Variants in CYP7B1 observed in about 807,000 individuals in gnomAD.
CYP7B1 encodes the protein cytochrome P450 family 7 subfamily B member 1, also known as cytochrome P450 7B1.
A neutral mutation model predicts 42.7 loss-of-function variants in CYP7B1; 29 were observed. The observed-to-expected ratio is 0.68, with a 90% CI of 0.51 to 0.93. The LOEUF is 0.93. CYP7B1 is among the 40% of genes least tolerant of loss of function. The probability of loss-of-function intolerance (pLI) is 0.00; values close to 1 mark genes in which losing one functional copy is unlikely to be tolerated. For synonymous variants in CYP7B1, 235 were observed against 218.2 expected (o/e 1.08, Z -0.68); for missense variants, 655 against 600.5 (o/e 1.09, Z -0.95).
chr8:64,755,066 G>A (rs1279519522), intron 1 of CYP7B1, among the ~76,000 whole-genome samples: 1 of 152,160 alleles, frequency 6.6e-6, no homozygotes, highest in East Asian at 1.9e-4. Context: ...GAGGCCAGAG[G>A]GGAAATAAAT....
intron 1 of CYP7B1, among the ~76,000 whole-genome samples, chr8:64,774,911 CCTT>C (rs1207258693): frequency 1.3e-5 from 2 of 152,202 alleles, no homozygotes; most frequent in Non-Finnish European, 2.9e-5. Context: ...TCAAACACCT[CCTT>C]AACTCTGATT....
At chr8:64,644,051 G>T (rs1462798852) in intron 1 of CYP7B1, among the ~76,000 whole-genome samples, 1 of 152,118 alleles carries the variant, frequency 6.6e-6, no homozygotes, top group East Asian at 1.9e-4. Flanking sequence ...GAGGCAGGTG[G>T]ATCACGAGGT....
intron 1 of CYP7B1, among the ~76,000 whole-genome samples, chr8:64,660,234 A>C (rs778405718): frequency 3.5e-4 from 53 of 152,216 alleles, no homozygotes; most frequent in Admixed American, 5.2e-4. Flanking sequence ...CAGGGTTTTC[A>C]TATATACATT....
rs751408928 is a variant in CYP7B1, at chr8:64,591,551, C to T, written c.*5091G>A. 5.3e-5 allele frequency among the ~76,000 whole-genome samples: 8 copies of T among 152,116 alleles called. No homozygotes were observed. The highest frequency in any genetic ancestry group is 1.3e-4 in the Admixed American group (2 of 15,280). Reference sequence around the variant, plus strand: ...ACTTCTACTGTTAAGTTAGAAGTCACTTGCAGAAAATTACCCAAATTATTT... The same window carrying T: ...ACTTCTACTGTTAAGTTAGAAGTCATTTGCAGAAAATTACCCAAATTATTT... On this transcript the variant is annotated 3_prime_UTR_variant, in exon 6 of 6. Coordinates refer to ENST00000310193, the MANE Select transcript of CYP7B1 (RefSeq NM_004820.5).
At chr8:64,681,100 ATGTT>A (rs1806529514) in intron 1 of CYP7B1, among the ~76,000 whole-genome samples, 1 of 152,222 alleles carries the variant, frequency 6.6e-6, no homozygotes, top group Non-Finnish European at 1.5e-5. Flanking sequence ...AAGTTTTAAA[ATGTT>A]TGTGGATGCA....
intron 5 of CYP7B1, among the ~76,000 whole-genome samples, chr8:64,598,668 G>A (rs1233305383): frequency 1.3e-5 from 2 of 152,160 alleles, no homozygotes; most frequent in Non-Finnish European, 2.9e-5. Flanking sequence ...TAACCTCTGA[G>A]AGGCCCACGG....
At chr8:64,791,529 C>T (rs1198967624) in intron 1 of CYP7B1, among the ~76,000 whole-genome samples, 12 of 152,000 alleles carry the variant, frequency 7.9e-5, no homozygotes, top group Middle Eastern at 6.8e-3. Context: ...GTTTTGAAAA[C>T]GGGGGAAGGG....
intron 1 of CYP7B1, among the ~76,000 whole-genome samples, chr8:64,624,944 T>C (rs1475221068): frequency 7.9e-6 from 1 of 126,220 alleles, no homozygotes; most frequent in East Asian, 2.4e-4. Context: ...AAGTCCATTA[T>C]ATCATTCTTT....
intron 1 of CYP7B1, among the ~76,000 whole-genome samples, chr8:64,791,399 C>T (rs1356397454): frequency 1.3e-5 from 2 of 152,114 alleles, no homozygotes; most frequent in African/African-American, 4.8e-5. Flanking sequence ...AATTAAGGAT[C>T]TTGAGATGAG....
intron 1 of CYP7B1, among the ~76,000 whole-genome samples, chr8:64,748,529 G>A (rs115195096): frequency 5.1e-4 from 78 of 152,230 alleles, no homozygotes; most frequent in African/African-American, 1.7e-3. Context: ...GAGATCCAAG[G>A]AAACACTATT....
chr8:64,589,296 A>G (rs1416626643), downstream of CYP7B1, among the ~76,000 whole-genome samples: 3 of 152,212 alleles, frequency 2.0e-5, no homozygotes, highest in African/African-American at 7.2e-5. Flanking sequence ...TTCTGCAAGC[A>G]TTGTTTAGTC....
At chr8:64,673,244 C>T (rs556013796) in intron 1 of CYP7B1, among the ~76,000 whole-genome samples, 3 of 152,190 alleles carry the variant, frequency 2.0e-5, no homozygotes, top group South Asian at 2.1e-4. Flanking sequence ...ATGTATACTC[C>T]GTTTTTTTCT....
intron 1 of CYP7B1, among the ~76,000 whole-genome samples, chr8:64,699,175 C>G (rs79551252): frequency 0.047 from 7,159 of 152,178 alleles, 273 homozygotes; most frequent in East Asian, 0.16. Flanking sequence ...GTCAAAACCT[C>G]TATCTGTCAA....
chr8:64,624,643 T>C (rs1049749321), intron 1 of CYP7B1, 104 bp from the exon 2 acceptor site: 11 of 1,286,284 alleles, frequency 8.6e-6, no homozygotes, highest in Non-Finnish European at 1.2e-5. Flanking sequence ...ACTGCATGGA[T>C]TGCACTGCTT....
rs187259971 is a variant in CYP7B1, at chr8:64,684,287, A to T, written c.123-59748T>A. ...TATAAATCAGGTGGTCCTGAACCAT[A>T]CTGCCTCACTAGCTGTGTGGTGCTG... On this transcript the variant is annotated intron_variant, in intron 1 of 5. Transcript: ENST00000310193. Among the ~76,000 whole-genome samples, 305 of 152,354 alleles carry T rather than the reference A, an allele frequency of 2.0e-3. 2 individuals carry two copies. The highest frequency in any genetic ancestry group is 7.2e-3 in the African/African-American group (298 of 41,584).
At chr8:64,759,530 G>A (rs979688347) in intron 1 of CYP7B1, among the ~76,000 whole-genome samples, 5 of 152,144 alleles carry the variant, frequency 3.3e-5, no homozygotes, top group Admixed American at 6.6e-5. Context: ...AGAGTAATAT[G>A]TCAAATTACA....
At chr8:64,719,102 A>C (rs1807200288) in intron 1 of CYP7B1, among the ~76,000 whole-genome samples, 2 of 152,214 alleles carry the variant, frequency 1.3e-5, no homozygotes, top group African/African-American at 4.8e-5. Context: ...AATTAGATTA[A>C]ATGGCATTTA....
intron 1 of CYP7B1, among the ~76,000 whole-genome samples, chr8:64,744,841 T>C (rs1048915070): frequency 1.3e-5 from 2 of 152,206 alleles, no homozygotes. Context: ...AAACTATACA[T>C]GTATGTATTC....
At chr8:64,634,527 C>T (rs117637261) in intron 1 of CYP7B1, among the ~76,000 whole-genome samples, 1,632 of 149,920 alleles carry the variant, frequency 0.011, 26 homozygotes, top group East Asian at 0.046. Context: ...TCCAGTGAAC[C>T]GAGATTGCGC....
Sources: gnomAD v4.1 joint callset for allele counts (sites outside exome capture counted in the v4.1 genomes callset) on GRCh38, gnomAD v4.1.1 for gene constraint, MANE v1.5 for transcripts, NCBI Gene and HGNC (gene_info 2026-07-23, HGNC 2026-07-21) for gene names.